Variants in MAF observed in about 807,000 individuals in gnomAD.
MAF encodes the protein MAF bZIP transcription factor, also known as transcription factor Maf.
MAF carries 10 observed loss-of-function variants against 22.0 expected under a neutral mutation model. That is an observed-to-expected ratio of 0.45 (90% CI 0.28 to 0.77). The LOEUF (loss-of-function observed/expected upper bound fraction) is 0.77. MAF is among the 30% of genes least tolerant of loss of function. MAF has a pLI of 0.12. For synonymous variants in MAF, 337 were observed against 255.8 expected (o/e 1.32, Z -3.03); for missense variants, 544 against 548.4 (o/e 0.99, Z 0.08).
At chr16:79,512,220 G>C in the MAF span, among the ~76,000 whole-genome samples, 1 of 152,176 alleles carries the variant, frequency 6.6e-6, no homozygotes, top group African/African-American at 2.4e-5. Context: ...AACAGGCAAA[G>C]CTTCACCTTC....
chr16:79,254,092 C>G, the MAF span, among the ~76,000 whole-genome samples: 75 of 151,910 alleles, frequency 4.9e-4, no homozygotes, highest in African/African-American at 1.8e-3. Flanking sequence ...TAAAATGCGT[C>G]ATGCACATTT....
At chr16:79,269,254 C>T in the MAF span, among the ~76,000 whole-genome samples, 1 of 152,148 alleles carries the variant, frequency 6.6e-6, no homozygotes, top group Non-Finnish European at 1.5e-5. Context: ...TGACTTCCAG[C>T]AGTGGCTATG....
At chr16:79,231,094 A>G in the MAF span, among the ~76,000 whole-genome samples, 1 of 152,184 alleles carries the variant, frequency 6.6e-6, no homozygotes, top group African/African-American at 2.4e-5. Context: ...CCCAGGAAAA[A>G]TGGAGTAAAA....
At chr16:79,520,352 C>T in the MAF span, among the ~76,000 whole-genome samples, 14,857 of 152,130 alleles carry the variant, frequency 0.098, 929 homozygotes, top group South Asian at 0.15. Context: ...ACGTACATTT[C>T]CCATCTCCTC....
chr16:79,478,865 C>T, the MAF span, among the ~76,000 whole-genome samples: 8 of 151,650 alleles, frequency 5.3e-5, no homozygotes, highest in African/African-American at 1.9e-4. Context: ...CACCAGCATA[C>T]CTATATACCA....
At chr16:79,559,597 G>T in the MAF span, among the ~76,000 whole-genome samples, 7 of 151,818 alleles carry the variant, frequency 4.6e-5, no homozygotes, top group African/African-American at 1.7e-4. Context: ...CAGACAAACT[G>T]ACTATAATTT....
the MAF span, among the ~76,000 whole-genome samples, chr16:79,377,745 T>C: frequency 6.6e-6 from 1 of 152,212 alleles, no homozygotes. Context: ...TTTCTACATA[T>C]GGCTAGCCAG....
At chr16:79,264,876 C>T in the MAF span, among the ~76,000 whole-genome samples, 36 of 152,082 alleles carry the variant, frequency 2.4e-4, no homozygotes, top group African/African-American at 8.7e-4. Context: ...CCCCACAGTT[C>T]CCAAATTTTA....
the MAF span, among the ~76,000 whole-genome samples, chr16:79,313,118 C>T: frequency 6.6e-6 from 1 of 152,108 alleles, no homozygotes; most frequent in Non-Finnish European, 1.5e-5. Context: ...TGTTAATACC[C>T]ATCTCACAAG....
the MAF span, among the ~76,000 whole-genome samples, chr16:79,299,417 T>C: frequency 2.6e-4 from 39 of 149,236 alleles, no homozygotes; most frequent in African/African-American, 7.9e-4. Context: ...AGGCCCAAAG[T>C]AGGTTTCAGT....
At chr16:79,249,828 T>A in the MAF span, among the ~76,000 whole-genome samples, 2 of 152,128 alleles carry the variant, frequency 1.3e-5, no homozygotes, top group Non-Finnish European at 2.9e-5. Context: ...TTGTTGTTGT[T>A]TGGTCTGTCT....
chr16:79,532,903 A>ACAAATATC, the MAF span, among the ~76,000 whole-genome samples: 1 of 152,196 alleles, frequency 6.6e-6, no homozygotes, highest in Admixed American at 6.5e-5. Context: ...AATAAAGAAA[A>ACAAATATC]CAAATATCCA....
At chr16:79,253,951 C>T in the MAF span, among the ~76,000 whole-genome samples, 1 of 152,010 alleles carries the variant, frequency 6.6e-6, no homozygotes, top group Non-Finnish European at 1.5e-5. Context: ...GAATTCTTGC[C>T]ATGCAGTTGT....
chr16:79,562,171 A>G, the MAF span, among the ~76,000 whole-genome samples: 1 of 152,180 alleles, frequency 6.6e-6, no homozygotes, highest in South Asian at 2.1e-4. Context: ...TAAAACATGT[A>G]ATATTCAGAC....
At chr16:79,274,444 G>GA in the MAF span, among the ~76,000 whole-genome samples, 1 of 152,110 alleles carries the variant, frequency 6.6e-6, no homozygotes, top group Non-Finnish European at 1.5e-5. Flanking sequence ...AGCTCCCCAA[G>GA]GGGACCCCAA....
At chr16:79,505,924 T>G in the MAF span, among the ~76,000 whole-genome samples, 1 of 137,398 alleles carries the variant, frequency 7.3e-6, no homozygotes, top group African/African-American at 2.7e-5. Flanking sequence ...CAAAGAACAA[T>G]GGATAGAAGG....
intron 1 of MAF, chr16:79,596,624 A>G: frequency 9.6e-7 from 1 of 1,041,184 alleles, no homozygotes; most frequent in African/African-American, 1.7e-5. Context: ...AAAATATGTA[A>G]AAGAAAAGTA....
At chr16:79,418,316 G>A in the MAF span, among the ~76,000 whole-genome samples, 5 of 152,002 alleles carry the variant, frequency 3.3e-5, no homozygotes, top group African/African-American at 1.2e-4. Flanking sequence ...GGGGCCTCAC[G>A]GTCAGCTGGG....
intron 1 of MAF, chr16:79,596,849 C>T (rs1481508894): frequency 7.6e-6 from 8 of 1,049,028 alleles, no homozygotes; most frequent in African/African-American, 1.7e-5. Context: ...ATTTTTATAA[C>T]TGCATAAATT....
Sources: allele counts gnomAD v4.1 joint callset (sites outside exome capture counted in the v4.1 genomes callset), GRCh38; gene constraint gnomAD v4.1.1; transcripts MANE v1.5; gene names NCBI Gene and HGNC (gene_info 2026-07-23, HGNC 2026-07-21).